VIT: variants seen among roughly 807,000 people sequenced by gnomAD.
VIT encodes vitrin.
VIT carries 99 observed loss-of-function variants against 78.0 expected under a neutral mutation model. That is an observed-to-expected ratio of 1.27 (90% CI 1.08 to 1.50). The LOEUF (loss-of-function observed/expected upper bound fraction) is 1.50, where lower values mean the gene tolerates loss of function less well. Among genes scored for constraint, VIT ranks in the 40% most tolerant of loss-of-function variants. The pLI is 0.00. For synonymous variants in VIT, 374 were observed against 334.3 expected (o/e 1.12, Z -1.29); for missense variants, 1,126 against 875.3 (o/e 1.29, Z -3.61).
chr2:36,750,820 CAAAAAAAAAAA>C (rs1668415097), intron 4 of VIT, among the ~76,000 whole-genome samples: 1 of 134,740 alleles, frequency 7.4e-6, no homozygotes, highest in Non-Finnish European at 1.6e-5. Flanking sequence ...GACTCTGTCT[CAAAAAAAAAAA>C]GAAGAAAAAA....
intron 4 of VIT, among the ~76,000 whole-genome samples, chr2:36,745,197 C>T (rs2148522137): frequency 6.6e-6 from 1 of 152,180 alleles, no homozygotes; most frequent in Admixed American, 6.5e-5. Flanking sequence ...TGTACTGACA[C>T]CATGTTGTTT....
chr2:36,812,331 C>T (rs1234964995), intron 15 of VIT, among the ~76,000 whole-genome samples: 3 of 152,106 alleles, frequency 2.0e-5, no homozygotes, highest in African/African-American at 7.2e-5. Context: ...GGTGCCAGGG[C>T]AGGAAGGCTA....
chr2:36,784,612 A>G (rs538820611), intron 11 of VIT, among the ~76,000 whole-genome samples: 40 of 152,356 alleles, frequency 2.6e-4, no homozygotes, highest in Admixed American at 6.5e-4. Flanking sequence ...GGACAACACA[A>G]AGCATTAGTC....
At position 36,768,426 on chromosome 2, in the gene VIT, C is replaced by T. The variant is rs148060076; in HGVS notation, c.679+1141C>T. On this transcript the variant is annotated intron_variant, in intron 7 of 15. Transcript: ENST00000379242. Reference sequence around the variant, plus strand: ...CACCCTGGGTGACAGAAAGAGACTCCGTTTCAATAAATAAATAAATAAAAA... The same window carrying T: ...CACCCTGGGTGACAGAAAGAGACTCTGTTTCAATAAATAAATAAATAAAAA... Among the ~76,000 whole-genome samples, 13 of 152,182 alleles carry T rather than the reference C, an allele frequency of 8.5e-5. No homozygotes were observed. The East Asian group carries it at 1.5e-3, about 18-fold the overall frequency.
chr2:36,773,984 T>G, intron 8 of VIT, 137 bp downstream of exon 8: 2 of 761,448 alleles, frequency 2.6e-6, no homozygotes, highest in Non-Finnish European at 3.8e-6. Context: ...AAGATGCCAC[T>G]CAAGGGCCCA....
intron 7 of VIT, among the ~76,000 whole-genome samples, chr2:36,768,499 C>A (rs192303028): frequency 6.6e-6 from 1 of 152,346 alleles, no homozygotes; most frequent in Non-Finnish European, 1.5e-5. Context: ...GAACACCTTA[C>A]AAATATTAGC....
At chr2:36,751,898 T>C (rs1668487008) in intron 4 of VIT, among the ~76,000 whole-genome samples, 1 of 152,196 alleles carries the variant, frequency 6.6e-6, no homozygotes, top group South Asian at 2.1e-4. Flanking sequence ...TTGGAAGCTA[T>C]CTGTTTTGTT....
At position 36,786,379 on chromosome 2, in the gene VIT, T is replaced by A. The variant is rs116513982; in HGVS notation, c.911-750T>A. 3.9e-3 allele frequency among the ~76,000 whole-genome samples: 592 copies of A among 152,324 alleles called. 4 individuals carry two copies. The highest frequency in any genetic ancestry group is 0.013 in the African/African-American group (544 of 41,562). Reference sequence around the variant, plus strand: ...AAACACTAATTTCCATTAGCCTGTGTGGCTTTTCACTAGTTCCTTTTGATG... The same window carrying A: ...AAACACTAATTTCCATTAGCCTGTGAGGCTTTTCACTAGTTCCTTTTGATG... On this transcript the variant is annotated intron_variant, in intron 11 of 15. Coordinates refer to ENST00000379242, the MANE Select transcript of VIT (RefSeq NM_053276.4).
intron 3 of VIT, among the ~76,000 whole-genome samples, chr2:36,733,614 T>C (rs1409124598): frequency 6.6e-6 from 1 of 152,208 alleles, no homozygotes; most frequent in African/African-American, 2.4e-5. Flanking sequence ...CAGATTTACA[T>C]GCATATACAG....
chr2:36,802,810 A>G (rs781766748), intron 13 of VIT, among the ~76,000 whole-genome samples: 3 of 152,144 alleles, frequency 2.0e-5, no homozygotes, highest in Non-Finnish European at 4.4e-5. Flanking sequence ...GGTTCTGAGG[A>G]CAGAATCCGT....
chr2:36,788,303 G>C (rs570168570), intron 12 of VIT, among the ~76,000 whole-genome samples: 5 of 152,210 alleles, frequency 3.3e-5, no homozygotes, highest in African/African-American at 1.2e-4. Flanking sequence ...GCCTTCAGAG[G>C]TTTTATTTTA....
chr2:36,700,207 C>T (rs1349660464), intron 1 of VIT, among the ~76,000 whole-genome samples: 2 of 152,080 alleles, frequency 1.3e-5, no homozygotes, highest in Non-Finnish European at 2.9e-5. Flanking sequence ...GGAATCTGAG[C>T]TAGTCAATCA....
intron 6 of VIT, 165 bp downstream of exon 6, chr2:36,759,211 G>C (rs1416054441): frequency 6.4e-7 from 1 of 1,559,482 alleles, no homozygotes; most frequent in Non-Finnish European, 8.7e-7. Flanking sequence ...AATGAGATCA[G>C]ATGGCTGGGG....
At chr2:36,765,443 G>GAGAA (rs1407969832) in intron 6 of VIT, among the ~76,000 whole-genome samples, 2 of 148,360 alleles carry the variant, frequency 1.3e-5, no homozygotes, top group Admixed American at 6.7e-5. Context: ...GAAAGAGAGA[G>GAGAA]AGAGGAAAAA....
chr2:36,734,036 C>A (rs1667359481), intron 3 of VIT, among the ~76,000 whole-genome samples: 1 of 152,218 alleles, frequency 6.6e-6, no homozygotes, highest in Non-Finnish European at 1.5e-5. Context: ...CAATGTGTGG[C>A]TCCTGGACCG....
Position 36,808,921 on chromosome 2 carries a change from C to G in VIT, c.1839C>G (p.Ile613Met). The G allele has an allele frequency of 6.2e-7, 1 of 1,613,684 alleles. No individual in the cohort carries two copies. The highest frequency in any genetic ancestry group is 8.5e-7 in the Non-Finnish European group (1 of 1,179,700). The stretch of plus-strand genomic sequence containing the variant: ...AGCCCAACAAGAGGAAGTTAATGAT[C>G]CTCATCACCGACGGGAGGTCCTACG... ...KSKPNKRKLMILITDGRSYDD... is the reference protein window; with the variant it reads ...KSKPNKRKLMMLITDGRSYDD... Residue 613 changes from isoleucine (I) to methionine (M), a missense_variant, in exon 15 of 16, where the codon ATC becomes ATG. Physicochemically the swap from Ile to Met is conservative, Grantham distance 10. Coordinates refer to ENST00000379242, the MANE Select transcript of VIT (RefSeq NM_053276.4).
chr2:36,775,616 C>T (rs1201157754), intron 9 of VIT, among the ~76,000 whole-genome samples: 1 of 152,170 alleles, frequency 6.6e-6, no homozygotes, highest in Non-Finnish European at 1.5e-5. Context: ...CTTCTCCATT[C>T]TCCTTTATGC....
intron 2 of VIT, among the ~76,000 whole-genome samples, chr2:36,718,905 G>A (rs925329354): frequency 6.6e-6 from 1 of 152,168 alleles, no homozygotes; most frequent in Non-Finnish European, 1.5e-5. Context: ...TGCCCCTTTG[G>A]GAGGCTACCT....
chr2:36,730,071 G>A (rs753094246), intron 3 of VIT, among the ~76,000 whole-genome samples: 6 of 152,210 alleles, frequency 3.9e-5, no homozygotes, highest in East Asian at 1.9e-4. Flanking sequence ...TGAGGCGGGC[G>A]GATCACTTGA....
Sources: gnomAD v4.1 joint callset for allele counts (sites outside exome capture counted in the v4.1 genomes callset) on GRCh38, gnomAD v4.1.1 for gene constraint, MANE v1.5 for transcripts, NCBI Gene and HGNC (gene_info 2026-07-23, HGNC 2026-07-21) for gene names.